The following MARK1 variants were observed in gnomAD, a reference collection of about 807,000 sequenced individuals.
MARK1 encodes the protein microtubule affinity regulating kinase 1, also known as serine/threonine-protein kinase MARK1.
Under a neutral mutation model 96.3 loss-of-function variants are expected in MARK1, and 40 were observed. That is an observed-to-expected ratio of 0.42 (90% CI 0.32 to 0.54). MARK1 has a LOEUF of 0.54. Among genes scored for constraint, MARK1 ranks in the 20% least tolerant of loss-of-function variants. MARK1 has a pLI of 0.16. For missense variants in MARK1, 719 were observed against 984.6 expected (o/e 0.73, Z 3.61); for synonymous variants, 317 against 341.2 (o/e 0.93, Z 0.78).
chr1:220,538,730 A>T (rs922200711), intron 1 of MARK1, among the ~76,000 whole-genome samples: 1 of 152,056 alleles, frequency 6.6e-6, no homozygotes, highest in Non-Finnish European at 1.5e-5. Flanking sequence ...ATTTGTTTGT[A>T]TCTTCTTTTA....
At chr1:220,563,403 G>A (rs890454205) in intron 1 of MARK1, among the ~76,000 whole-genome samples, 2 of 152,082 alleles carry the variant, frequency 1.3e-5, no homozygotes, top group African/African-American at 4.8e-5. Context: ...TTTACTCAGC[G>A]TTACTGAGTT....
intron 5 of MARK1, among the ~76,000 whole-genome samples, chr1:220,600,714 T>C (rs1156417534): frequency 6.6e-6 from 1 of 152,168 alleles, no homozygotes; most frequent in African/African-American, 2.4e-5. Context: ...TTTGGCTGGT[T>C]GATTTTTTGC....
At chr1:220,637,348 T>G (rs553738070) in intron 13 of MARK1, among the ~76,000 whole-genome samples, 1 of 152,258 alleles carries the variant, frequency 6.6e-6, no homozygotes, top group South Asian at 2.1e-4. Flanking sequence ...AACACATGCC[T>G]TGTTAGGCAG....
At chr1:220,625,015 G>A (rs1157090851) in intron 9 of MARK1, among the ~76,000 whole-genome samples, 4 of 152,100 alleles carry the variant, frequency 2.6e-5, no homozygotes, top group South Asian at 2.1e-4. Flanking sequence ...TTTCCTGGAC[G>A]TTATAACAAC....
At chr1:220,590,652 G>A (rs1664925671) in intron 3 of MARK1, among the ~76,000 whole-genome samples, 1 of 152,164 alleles carries the variant, frequency 6.6e-6, no homozygotes, top group South Asian at 2.1e-4. Flanking sequence ...GTGTTTCTTT[G>A]TGAGGAGAGA....
intron 14 of MARK1, 130 bp downstream of exon 14, chr1:220,650,850 C>A: frequency 3.3e-6 from 2 of 601,618 alleles, no homozygotes; most frequent in Admixed American, 3.1e-5. Flanking sequence ...TTGCAACCAA[C>A]CGTTCTTAGT....
At chr1:220,615,686 A>T (rs1666703302) in intron 6 of MARK1, among the ~76,000 whole-genome samples, 1 of 152,190 alleles carries the variant, frequency 6.6e-6, no homozygotes, top group African/African-American at 2.4e-5. Flanking sequence ...TCCATATGAA[A>T]TCTTCACAGC....
intron 1 of MARK1, among the ~76,000 whole-genome samples, chr1:220,561,064 T>C (rs1282017354): frequency 2.6e-5 from 4 of 151,946 alleles, no homozygotes; most frequent in Non-Finnish European, 1.5e-5. Context: ...TTAGGGATGT[T>C]TGCAAAGGAG....
At chr1:220,647,907 C>T (rs1167325198) in intron 13 of MARK1, among the ~76,000 whole-genome samples, 2 of 151,900 alleles carry the variant, frequency 1.3e-5, no homozygotes, top group Admixed American at 6.6e-5. Flanking sequence ...GGGCGGAGGT[C>T]GCGGGAGAGC....
Position 220,661,960 on chromosome 1 carries a change from A to G in MARK1, c.2182A>G (p.Asn728Asp), listed in dbSNP as rs1669505192. ...MREIRKVLDA[N>D]NCDYEQKERF... is the part of the protein sequence containing the mutation. ...AGAAATCCGAAAAGTGTTAGATGCA[A>G]ATAACTGTGATTATGAGCAAAAAGA... Residue 728 changes from asparagine (N) to aspartate (D), a missense_variant, in exon 18 of 18, where the codon AAT (asparagine) becomes GAT (aspartate). Transcript: ENST00000366917. The G allele has an allele frequency of 6.2e-7, 1 of 1,614,050 alleles. No homozygotes were observed. Among genetic ancestry groups the G allele is most frequent in the Admixed American group, 1.7e-5 (1 of 60,008 alleles).
chr1:220,612,673 A>T (rs1485320511), intron 6 of MARK1, among the ~76,000 whole-genome samples: 1 of 152,138 alleles, frequency 6.6e-6, no homozygotes, highest in Non-Finnish European at 1.5e-5. Flanking sequence ...TTTATTTTTG[A>T]GGAGCTTACT....
In MARK1 at chr1:220,635,564, C is replaced by T. The variant is rs572644436; in HGVS notation, c.1276+35C>T. On this transcript the variant is annotated intron_variant, in intron 12 of 17. Coordinates refer to ENST00000366917, the MANE Select transcript of MARK1 (RefSeq NM_018650.5). The stretch of plus-strand genomic sequence containing the variant: ...AAAGTCACATAAGTGAAGCAACACA[C>T]GGGTTCTTCCCAAATTTGTGTTTTT... The T allele has an allele frequency of 4.5e-5, 71 of 1,589,462 alleles. No homozygotes were observed. The South Asian group carries it at 5.7e-4, about 13-fold the overall frequency.
intron 1 of MARK1, among the ~76,000 whole-genome samples, chr1:220,555,793 G>A (rs930203131): frequency 6.6e-6 from 1 of 152,128 alleles, no homozygotes; most frequent in African/African-American, 2.4e-5. Context: ...GAAAGTTTGG[G>A]TGTCATATGG....
In MARK1 at chr1:220,635,496, G is replaced by T; in HGVS notation, c.1243G>T (p.Ala415Ser). The change falls in exon 12 of 18, where the codon GCA becomes TCA. Residue 415 changes from alanine to serine, a missense_variant. By Grantham distance (99) the Ala-to-Ser change is moderately conservative (BLOSUM62 1). This residue lies in a region of MARK1 where 501 missense variants were observed against 588.3 expected (regional missense o/e 0.85). Transcript: ENST00000366917. ...AHLKVQRSISANQKQRRFSDH... is the reference protein window; with the variant it reads ...AHLKVQRSISSNQKQRRFSDH... Reference sequence around the variant, plus strand: ...CCTGAAGGTCCAGAGAAGTATCTCAGCAAATCAGAAGCAGCGGCGTTTCAG... The same window carrying T: ...CCTGAAGGTCCAGAGAAGTATCTCATCAAATCAGAAGCAGCGGCGTTTCAG... The T allele has an allele frequency of 6.2e-7, 1 of 1,612,390 alleles. No homozygotes were observed. Among genetic ancestry groups the T allele is most frequent in the East Asian group, 2.2e-5 (1 of 44,848 alleles).
intron 1 of MARK1, among the ~76,000 whole-genome samples, chr1:220,557,941 G>A (rs1400319423): frequency 6.6e-6 from 1 of 151,870 alleles, no homozygotes; most frequent in Non-Finnish European, 1.5e-5. Flanking sequence ...ACCTGCCTGG[G>A]CAACATGGTG....
chr1:220,616,086 T>A, intron 7 of MARK1, 91 bp downstream of exon 7: 1 of 627,632 alleles, frequency 1.6e-6, no homozygotes, highest in Non-Finnish European at 2.7e-6. Flanking sequence ...TTTTATTGCC[T>A]AACTGTGCTG....
intron 1 of MARK1, among the ~76,000 whole-genome samples, chr1:220,544,874 T>G (rs1266500447): frequency 6.6e-6 from 1 of 152,212 alleles, no homozygotes; most frequent in Non-Finnish European, 1.5e-5. Context: ...TTTTATTTCC[T>G]TTTCTATTCG....
chr1:220,584,673 A>G (rs1432782605), intron 3 of MARK1, among the ~76,000 whole-genome samples: 1 of 152,228 alleles, frequency 6.6e-6, no homozygotes, highest in Non-Finnish European at 1.5e-5. Flanking sequence ...TGGTAACTAA[A>G]GGTAGAGAGG....
At chr1:220,596,848 T>G (rs1199135819) in intron 3 of MARK1, among the ~76,000 whole-genome samples, 2 of 152,162 alleles carry the variant, frequency 1.3e-5, no homozygotes, top group Non-Finnish European at 2.9e-5. Flanking sequence ...CTGTACTCAT[T>G]AAACAGTAAC....
Sources: allele counts gnomAD v4.1 joint callset (sites outside exome capture counted in the v4.1 genomes callset), GRCh38; gene constraint gnomAD v4.1.1; regional missense constraint gnomAD v4.1.1; transcripts MANE v1.5; gene names NCBI Gene and HGNC (gene_info 2026-07-23, HGNC 2026-07-21).